TTC5: variants seen among roughly 807,000 people sequenced by gnomAD.
TTC5 encodes the protein tetratricopeptide repeat protein 5.
In TTC5, 46 loss-of-function variants were observed where a neutral mutation model predicts 57.4. The observed-to-expected ratio is 0.80, with a 90% CI of 0.63 to 1.03. The LOEUF is 1.03. TTC5 is among the 50% of genes least tolerant of loss of function. The pLI is 0.00. For synonymous variants in TTC5, 190 were observed against 203.5 expected (o/e 0.93, Z 0.57); for missense variants, 504 against 528.1 (o/e 0.95, Z 0.45).
At chr14:20,289,783 T>A in intron 9 of TTC5, 37 bp from the exon 10 acceptor site, 1 of 1,576,012 alleles carries the variant, frequency 6.3e-7, no homozygotes, top group South Asian at 1.2e-5. Context: ...CACTACAGAT[T>A]CCAAGATGGA....
chr14:20,305,920 C>G lies in TTC5; in HGVS notation c.18G>C (p.Glu6Asp), dbSNP rs545002295. The G allele has an allele frequency of 6.9e-5, 112 of 1,614,172 alleles. No individual in the cohort carries two copies. In the South Asian group the frequency reaches 1.2e-3, roughly 17 times the overall value. Reference sequence around the variant, plus strand: ...TCTGCAAGATCGGCTTGACTTCTTCCTCTTCATCAGCCATCATCTCCCGGC... The same window carrying G: ...TCTGCAAGATCGGCTTGACTTCTTCGTCTTCATCAGCCATCATCTCCCGGC... MMADE[E>D]EEVKPILQKL... is the part of the protein sequence containing the mutation. The change falls in exon 1 of 10, where the codon GAG becomes GAC. Residue 6 changes from glutamate (E) to aspartate (D), a missense_variant. Transcript: ENST00000258821.
At chr14:20,298,592 C>T (rs139903553) in intron 5 of TTC5, among the ~76,000 whole-genome samples, 4 of 145,836 alleles carry the variant, frequency 2.7e-5, no homozygotes, top group East Asian at 4.2e-4. Context: ...AGCACCAATG[C>T]GACACGATGC....
At chr14:20,305,844 C>A (rs752665049) in intron 1 of TTC5, 43 bp downstream of exon 1, 12 of 1,590,060 alleles carry the variant, frequency 7.5e-6, no homozygotes, top group East Asian at 2.2e-5. Flanking sequence ...CTGCTTCATT[C>A]GGAGTAACAA....
chr14:20,289,952 T>C (rs1881921098), intron 9 of TTC5, among the ~76,000 whole-genome samples: 1 of 152,150 alleles, frequency 6.6e-6, no homozygotes, highest in South Asian at 2.1e-4. Flanking sequence ...ACATGGAGCA[T>C]GTAAGGTCAT....
At chr14:20,302,099 G>T in intron 1 of TTC5, 134 bp from the exon 2 acceptor site, 1 of 973,542 alleles carries the variant, frequency 1.0e-6, no homozygotes, top group Non-Finnish European at 1.5e-6. Flanking sequence ...CAATAGGCAG[G>T]TGGACAGGTT....
In TTC5 at chr14:20,300,611, G is replaced by A; in HGVS notation, c.392C>T (p.Thr131Ile). The change falls in exon 3 of 10, where the codon ACC becomes ATC. Residue 131 changes from threonine to isoleucine, a missense_variant. Transcript: ENST00000258821. The part of the protein sequence containing the change: ...AAHTCFSGAL[T>I]HCRNKVSLQN... ...AAGGGATAGGGGGCAGCTCACATGG[G>A]TGAGGGCTCCTGAGAAGCAGGTGTG... is the stretch of plus-strand genomic sequence containing the variant. 1 of 1,610,890 alleles carries A rather than the reference G, an allele frequency of 6.2e-7. No homozygotes were observed. Among genetic ancestry groups the A allele is most frequent in the Non-Finnish European group, 8.5e-7 (1 of 1,179,610 alleles).
chr14:20,303,151 C>T (rs1365890675), intron 1 of TTC5, among the ~76,000 whole-genome samples: 1 of 150,796 alleles, frequency 6.6e-6, no homozygotes, highest in Non-Finnish European at 1.5e-5. Context: ...AAGATCATGC[C>T]ACTGCCCTCC....
At chr14:20,298,191 G>GA (rs2138813233) in intron 5 of TTC5, among the ~76,000 whole-genome samples, 1 of 152,234 alleles carries the variant, frequency 6.6e-6, no homozygotes, top group South Asian at 2.1e-4. Context: ...CTAATAATGA[G>GA]AAAAAAGGCA....
rs1881872928 is a variant in TTC5 at position 20,288,011 on chromosome 14, CTA to C, written c.*1614_*1615del. 6.6e-6 allele frequency: 1 copy of C among 152,118 alleles called. No homozygotes were observed. The highest frequency in any genetic ancestry group is 2.1e-4 in the South Asian group (1 of 4,824). The allele number at this position is 152,118 out of a possible 1,614,324, so 9.4% of individuals were successfully genotyped here. A position where few individuals can be genotyped will look rare whatever the true frequency, so the allele number is the denominator to read the frequency against. ...AGTCCATGAAGAGTGTTCTTGCAAA[CTA>C]TATCAGACTGGTTACTCATACTGAC... On this transcript the variant is annotated 3_prime_UTR_variant, in exon 10 of 10. Coordinates refer to ENST00000258821, the MANE Select transcript of TTC5 (RefSeq NM_138376.3).
chr14:20,300,529 T>G (rs1196580003), intron 3 of TTC5, 78 bp downstream of exon 3: 23 of 1,277,780 alleles, frequency 1.8e-5, no homozygotes, highest in Non-Finnish European at 2.5e-5. Context: ...CTGGTATTCA[T>G]GTCCTAGGGA....
In TTC5 at chr14:20,289,543, G is replaced by A; in HGVS notation, c.*84C>T. 4.7e-6 allele frequency: 7 copies of A among 1,496,422 alleles called. No homozygotes were observed. The South Asian group carries it at 9.0e-5, about 19-fold the overall frequency. The allele number at this position is 1,496,422 out of a possible 1,614,324, so 92.7% of individuals were successfully genotyped here. The stretch of plus-strand genomic sequence containing the variant: ...CATTTAAAACATTCCTCCCATCCCT[G>A]CTGAATCACTGGATGTGGCTGGACC... On this transcript the variant is annotated 3_prime_UTR_variant, in exon 10 of 10. Transcript: ENST00000258821.
chr14:20,291,993 T>G lies in TTC5; in HGVS notation c.1193A>C (p.His398Pro). ...CTAGCCATTGCTCACCTTTCCTTTG[T>G]GCTGAATTCGGTGAAGCCGCAGGTT... ...EPNLRLHRIQ[H>P]KGKDYSFSSV... The change falls in exon 9 of 10, where the codon CAC (histidine) becomes CCC (proline). Residue 398 changes from histidine (H) to proline (P), a missense_variant. Transcript: ENST00000258821. 6.3e-7 allele frequency: 1 copy of G among 1,589,340 alleles called. No homozygotes were observed. The highest frequency in any genetic ancestry group is 8.6e-7 in the Non-Finnish European group (1 of 1,168,582).
intron 9 of TTC5, 54 bp from the exon 10 acceptor site, chr14:20,289,800 TC>T (rs1442232471): frequency 3.2e-6 from 5 of 1,552,056 alleles, no homozygotes; most frequent in Non-Finnish European, 2.6e-6. Flanking sequence ...TGGAAAAAGC[TC>T]CAGCATGGGG....
chr14:20,292,246 G>T, intron 8 of TTC5, 119 bp from the exon 9 acceptor site: 1 of 534,398 alleles, frequency 1.9e-6, no homozygotes, highest in Non-Finnish European at 2.9e-6. Flanking sequence ...TCAGTGACAG[G>T]TAATTAAAAT....
chr14:20,300,395 C>CTTT, intron 3 of TTC5: 1 of 525,438 alleles, frequency 1.9e-6, no homozygotes, highest in Non-Finnish European at 3.3e-6. Flanking sequence ...TTCCTTTCTC[C>CTTT]CCCTGAACCT....
chr14:20,299,007 A>T (rs1401270227), intron 4 of TTC5, 119 bp from the exon 5 acceptor site: 1 of 842,322 alleles, frequency 1.2e-6, no homozygotes, highest in Non-Finnish European at 1.9e-6. Flanking sequence ...CAGGAATGAC[A>T]CGATACTTAG....
At chr14:20,299,997 C>T (rs1043931187) in intron 3 of TTC5, among the ~76,000 whole-genome samples, 14 of 149,262 alleles carry the variant, frequency 9.4e-5, no homozygotes, top group African/African-American at 3.2e-4. Context: ...TACAACCATG[C>T]CCATCTAATT....
At chr14:20,293,030 C>A (rs1038766932) in intron 8 of TTC5, 1 of 151,892 alleles carries the variant, frequency 6.6e-6, no homozygotes, top group African/African-American at 2.4e-5. Context: ...ATGAAATGTA[C>A]GCTTAAAATT....
chr14:20,291,413 GC>G (rs1881950151), intron 9 of TTC5, among the ~76,000 whole-genome samples: 1 of 152,114 alleles, frequency 6.6e-6, no homozygotes, highest in African/African-American at 2.4e-5. Flanking sequence ...AATGGGCTTT[GC>G]CAACCTCTGA....
Sources: gnomAD v4.1 joint callset for allele counts (sites outside exome capture counted in the v4.1 genomes callset) on GRCh38, gnomAD v4.1.1 for gene constraint, MANE v1.5 for transcripts, NCBI Gene and HGNC (gene_info 2026-07-23, HGNC 2026-07-21) for gene names.